The following ATP8B3 variants were observed in gnomAD, a reference collection of about 807,000 sequenced individuals.
ATP8B3 encodes the protein ATPase phospholipid transporting 8B3, also known as phospholipid-transporting ATPase IK.
ATP8B3 carries 141 observed loss-of-function variants against 140.9 expected under a neutral mutation model. The ratio of observed to expected loss-of-function variants is 1.00; its 90% CI spans 0.87 to 1.15. The LOEUF (loss-of-function observed/expected upper bound fraction) is 1.15. ATP8B3 is among the 50% of genes most tolerant of loss of function. ATP8B3 has a pLI of 0.00. For synonymous variants in ATP8B3, 765 were observed against 714.6 expected (o/e 1.07, Z -1.13); for missense variants, 1,874 against 1,740.6 (o/e 1.08, Z -1.36).
intron 2 of ATP8B3, 64 bp from the exon 3 acceptor site, chr19:1,810,747 C>T: frequency 6.7e-7 from 1 of 1,496,820 alleles, no homozygotes; most frequent in African/African-American, 1.4e-5. Flanking sequence ...ACCACTCGGT[C>T]TTCAAGGAGC....
chr19:1,793,572 G>A (rs2068580883), intron 18 of ATP8B3, among the ~76,000 whole-genome samples: 1 of 152,170 alleles, frequency 6.6e-6, no homozygotes, highest in African/African-American at 2.4e-5. Flanking sequence ...CCCAGGGTTG[G>A]GGCCTCTAGG....
At chr19:1,809,568 G>A (rs2069127276) in intron 4 of ATP8B3, 75 bp downstream of exon 4, 13 of 1,312,504 alleles carry the variant, frequency 9.9e-6, no homozygotes, top group Non-Finnish European at 1.4e-5. Context: ...GGACTCAGGA[G>A]GAGCAAAAAA....
At chr19:1,801,796 T>C (rs2068852401) in intron 12 of ATP8B3, among the ~76,000 whole-genome samples, 160 bp downstream of exon 12, 1 of 152,022 alleles carries the variant, frequency 6.6e-6, no homozygotes, top group Non-Finnish European at 1.5e-5. Context: ...ATAAAACTTT[T>C]TAAAAAATTA....
chr19:1,787,146 AG>A lies in ATP8B3; in HGVS notation c.3109del (p.Leu1037CysfsTer17). The A allele has an allele frequency of 1.2e-6, 2 of 1,611,224 alleles. No homozygotes were observed. Among genetic ancestry groups the A allele is most frequent in the Non-Finnish European group, 1.7e-6 (2 of 1,178,698 alleles). On this transcript the variant is annotated frameshift_variant, in exon 25 of 29. Coordinates refer to ENST00000310127, the MANE Select transcript of ATP8B3 (RefSeq NM_138813.4). LOFTEE classifies it high-confidence loss of function. The stretch of plus-strand genomic sequence containing the variant: ...GTAGAGAACTGGCAGGGTGCTGTAC[AG>A]GAGGTTGAAAAGAGCCAGGAACCAT... ...EGWFLALFNL[L>X]YSTLPVLYIG...
At chr19:1,786,929 C>T (rs542237428) in intron 25 of ATP8B3, among the ~76,000 whole-genome samples, 174 bp downstream of exon 25, 29 of 152,266 alleles carry the variant, frequency 1.9e-4, no homozygotes, top group African/African-American at 5.1e-4. Context: ...GCGTAGGCTC[C>T]GGTGGGAGAA....
rs754242358 is a variant in ATP8B3, at chr19:1,796,140, G to T, written c.1879C>A (p.Arg627=). The T allele has an allele frequency of 1.2e-6, 2 of 1,612,886 alleles. No individual in the cohort carries two copies. The highest frequency in any genetic ancestry group is 3.3e-5 in the Admixed American group (2 of 59,996). The stretch of plus-strand genomic sequence containing the variant: ...ATTATGGCCAGGACCTGGTAGACCC[G>T]TTCCTCCCCCAGCTCCATGATCGTG... ...TVTIMELGEE[R]VYQVLAIMDF... The change falls in exon 17 of 29, where the codon CGG becomes AGG. Residue 627 remains arginine (R), a synonymous_variant. Transcript: ENST00000310127.
Position 1,805,505 on chromosome 19 carries a change from C to T in ATP8B3, c.822-49G>A, listed in dbSNP as rs3764607. 517 of 1,449,558 alleles carry T rather than the reference C, an allele frequency of 3.6e-4. 3 individuals are homozygous for T. The East Asian group carries it at 0.012, about 34-fold the overall frequency. The allele number at this position is 1,449,558 out of a possible 1,614,324, so 89.8% of individuals were successfully genotyped here. A position where few individuals can be genotyped will look rare whatever the true frequency, so the allele number is the denominator to read the frequency against. On this transcript the variant is annotated intron_variant, in intron 9 of 28. Transcript: ENST00000310127. This position sits in a 1 kb window ranked among gnomAD's most constrained non-coding sequence, Gnocchi z 5.2. ...GTGAAAGTGGAGTTGATGGATGCTT[C>T]GAGGAGCCCCCAGACCCCTTCTGGA...
intron 18 of ATP8B3, among the ~76,000 whole-genome samples, chr19:1,793,828 T>C (rs370955395): frequency 1.5e-4 from 22 of 151,508 alleles, no homozygotes; most frequent in Middle Eastern, 3.4e-3. Context: ...CTGCAAGCTC[T>C]GCCTCCCGGG....
At chr19:1,783,355 T>G in intron 28 of ATP8B3, 85 bp from the exon 29 acceptor site, 1 of 1,485,692 alleles carries the variant, frequency 6.7e-7, no homozygotes, top group Non-Finnish European at 9.0e-7. Context: ...AGAGGCAGGA[T>G]TCAAAGCCCT....
intron 24 of ATP8B3, among the ~76,000 whole-genome samples, chr19:1,788,295 G>A (rs1342791731): frequency 6.6e-6 from 1 of 152,180 alleles, no homozygotes; most frequent in Non-Finnish European, 1.5e-5. Flanking sequence ...GGGGTTCAAG[G>A]TCTTGTTCAC....
chr19:1,790,150 GCCGCTGCCCCTCCCCTTCCCCT>G (rs2068448862), intron 21 of ATP8B3, among the ~76,000 whole-genome samples, 161 bp from the exon 22 acceptor site: 1 of 86,386 alleles, frequency 1.2e-5, no homozygotes, highest in Non-Finnish European at 2.3e-5. Context: ...TCCTCCTCCC[GCCGCTGCCCCTCCCCTTCCCCT>G]CCACTGCCCA....
chr19:1,786,664 G>T (rs1236423134), intron 25 of ATP8B3, among the ~76,000 whole-genome samples: 2 of 152,092 alleles, frequency 1.3e-5, no homozygotes, highest in Admixed American at 6.5e-5. Context: ...TCATGGGCAC[G>T]TATGGCTGCT....
At position 1,806,318 on chromosome 19, in the gene ATP8B3, C is replaced by G; in HGVS notation, c.678-149G>C. 1 of 1,478,122 alleles carries G rather than the reference C, an allele frequency of 6.8e-7. No homozygotes were observed. Among genetic ancestry groups the G allele is most frequent in the Non-Finnish European group, 8.9e-7 (1 of 1,118,750 alleles). The allele number at this position is 1,478,122 out of a possible 1,614,324, so 91.6% of individuals were successfully genotyped here. ...CCTCAGGAAGCCTTCCCCGGGCTCC[C>G]ACCCCACTCCCCGCGGGTCCACGCT... On this transcript the variant is annotated intron_variant, in intron 7 of 28. Transcript: ENST00000310127. This position sits in a 1 kb window ranked among gnomAD's most constrained non-coding sequence, Gnocchi z 5.6.
rs531826937 is a variant in ATP8B3, at chr19:1,809,309, T to A, written c.402+334A>T. Among the ~76,000 whole-genome samples, 3 of 151,560 alleles carry A rather than the reference T, an allele frequency of 2.0e-5. No individual in the cohort carries two copies. In the South Asian group the frequency reaches 6.3e-4, roughly 32 times the overall value. On this transcript the variant is annotated intron_variant, in intron 4 of 28. Transcript: ENST00000310127. ...ACCAGCCTGGCCAACATGGTGAAAC[T>A]GTCTCTACTAAAAATACAAAAATTA...
intron 17 of ATP8B3, 40 bp from the exon 18 acceptor site, chr19:1,796,027 G>A (rs200392065): frequency 2.5e-5 from 41 of 1,611,598 alleles, no homozygotes; most frequent in Middle Eastern, 1.7e-4. Context: ...GAGGCTCCCC[G>A]TCTGCCCGCC....
At position 1,792,112 on chromosome 19, in the gene ATP8B3, C is replaced by G. The variant is rs1405752966; in HGVS notation, c.2079G>C (p.Arg693=). Residue 693 remains arginine, a synonymous_variant, in exon 19 of 29, where the codon CGG becomes CGC. Coordinates refer to ENST00000310127, the MANE Select transcript of ATP8B3 (RefSeq NM_138813.4). ...ALAAFAQETL[R]TLCLAYREVA... is the part of the protein sequence containing the mutation. ...CCTCCCTGTAGGCCAGGCACAGTGT[C>G]CGCAGGGTCTCCTGGGCAAAGGCCT... 1 of 1,578,422 alleles carries G rather than the reference C, an allele frequency of 6.3e-7. No individual in the cohort carries two copies. Among genetic ancestry groups the G allele is most frequent in the East Asian group, 2.3e-5 (1 of 43,458 alleles).
chr19:1,788,509 G>C (rs1004581409), intron 24 of ATP8B3, among the ~76,000 whole-genome samples: 1 of 152,154 alleles, frequency 6.6e-6, no homozygotes, highest in African/African-American at 2.4e-5. Flanking sequence ...AATTAGCCAG[G>C]CGTGATGGTA....
intron 18 of ATP8B3, 121 bp from the exon 19 acceptor site, chr19:1,792,256 C>G (rs1309514313): frequency 8.6e-7 from 1 of 1,168,762 alleles, no homozygotes; most frequent in Non-Finnish European, 1.2e-6. Context: ...TGTTGCCTCC[C>G]CAGCCAACAG....
chr19:1,793,802 G>A (rs1254848229), intron 18 of ATP8B3, among the ~76,000 whole-genome samples: 2 of 152,092 alleles, frequency 1.3e-5, no homozygotes, highest in African/African-American at 4.8e-5. Flanking sequence ...GAGTGTAGTG[G>A]CGCGATCTTG....
Sources: allele counts gnomAD v4.1 joint callset (sites outside exome capture counted in the v4.1 genomes callset), GRCh38; gene constraint gnomAD v4.1.1; non-coding constraint Gnocchi (gnomAD v3.1); transcripts MANE v1.5; gene names NCBI Gene and HGNC (gene_info 2026-07-23, HGNC 2026-07-21).